Variants in CTNNA3 observed in about 807,000 individuals in gnomAD.
CTNNA3 encodes the protein catenin alpha-3.
Under a neutral mutation model 95.7 loss-of-function variants are expected in CTNNA3, and 76 were observed. That is an observed-to-expected ratio of 0.79 (90% CI 0.66 to 0.96). CTNNA3 has a LOEUF of 0.96. Among genes scored for constraint, CTNNA3 ranks in the 40% least tolerant of loss-of-function variants. The pLI, the probability that CTNNA3 is intolerant of heterozygous loss-of-function variation, is 0.00. For missense variants in CTNNA3, 1,191 were observed against 1,089.8 expected (o/e 1.09, Z -1.31); for synonymous variants, 431 against 374.4 (o/e 1.15, Z -1.74).
intron 7 of CTNNA3, among the ~76,000 whole-genome samples, chr10:67,053,465 T>C (rs1855237035): frequency 2.6e-5 from 4 of 152,204 alleles, no homozygotes; most frequent in Admixed American, 2.6e-4. Flanking sequence ...TTTTAGATTA[T>C]ATTTGCCAGG....
chr10:66,010,493 T>C (rs369261567), intron 15 of CTNNA3, among the ~76,000 whole-genome samples: 1 of 152,032 alleles, frequency 6.6e-6, no homozygotes, highest in Non-Finnish European at 1.5e-5. Flanking sequence ...TAATAAAAGA[T>C]CTAAAGAACA....
At chr10:66,668,422 A>ATATGTGTGTG (rs1554832734) in intron 9 of CTNNA3, among the ~76,000 whole-genome samples, 5,921 of 146,916 alleles carry the variant, frequency 0.04, 138 homozygotes, top group African/African-American at 0.046. Flanking sequence ...CAACTCTCAT[A>ATATGTGTGTG]TGTGTGTGTG....
At chr10:66,551,791 A>C (rs912009054) in intron 10 of CTNNA3, among the ~76,000 whole-genome samples, 2 of 151,946 alleles carry the variant, frequency 1.3e-5, no homozygotes, top group African/African-American at 4.8e-5. Flanking sequence ...TTTAGCTCTC[A>C]GTAGGTTTGA....
intron 5 of CTNNA3, among the ~76,000 whole-genome samples, chr10:67,503,917 G>T: frequency 6.6e-6 from 1 of 152,130 alleles, no homozygotes; most frequent in Non-Finnish European, 1.5e-5. Context: ...CAGCACTTTG[G>T]GAGGCCAAGG....
intron 9 of CTNNA3, among the ~76,000 whole-genome samples, chr10:66,726,754 T>C (rs1404213708): frequency 6.6e-6 from 1 of 152,024 alleles, no homozygotes; most frequent in Non-Finnish European, 1.5e-5. Flanking sequence ...CGTGAACTCA[T>C]CCACTGTATG....
At chr10:67,096,001 TA>T (rs369346784) in intron 7 of CTNNA3, among the ~76,000 whole-genome samples, 2 of 151,888 alleles carry the variant, frequency 1.3e-5, no homozygotes, top group African/African-American at 4.8e-5. Flanking sequence ...GACCATTTTT[TA>T]AAGTATGTGA....
intron 7 of CTNNA3, among the ~76,000 whole-genome samples, chr10:66,897,686 A>G (rs1342690413): frequency 6.6e-6 from 1 of 152,190 alleles, no homozygotes; most frequent in East Asian, 1.9e-4. Context: ...AAATTGTTGC[A>G]TATATAGAAT....
rs532424487 is a variant in CTNNA3 at position 66,442,724 on chromosome 10, C to T, written c.1532-63372G>A. 4.6e-5 allele frequency among the ~76,000 whole-genome samples: 7 copies of T among 152,150 alleles called. No homozygotes were observed. The South Asian group carries it at 1.0e-3, about 23-fold the overall frequency. On this transcript the variant is annotated intron_variant, in intron 11 of 17. Coordinates refer to ENST00000433211, the MANE Select transcript of CTNNA3 (RefSeq NM_013266.4). ...AACAGCTCCGGTCTACAGCTCCCAGCGTGAGTGACGCAGAAGATGGGTGAT... is the reference window on the plus strand; with the variant it reads ...AACAGCTCCGGTCTACAGCTCCCAGTGTGAGTGACGCAGAAGATGGGTGAT...
intron 1 of CTNNA3, among the ~76,000 whole-genome samples, chr10:67,668,651 G>A (rs1840373069): frequency 6.6e-6 from 1 of 152,064 alleles, no homozygotes; most frequent in South Asian, 2.1e-4. Context: ...GATGATTCGT[G>A]TCCTGATTGA....
intron 17 of CTNNA3, among the ~76,000 whole-genome samples, chr10:65,947,676 C>T (rs540175379): frequency 6.6e-6 from 1 of 152,226 alleles, no homozygotes; most frequent in Non-Finnish European, 1.5e-5. Context: ...CTGTATTAAA[C>T]TTAAACGCAA....
chr10:67,340,133 T>C (rs1842130473), intron 5 of CTNNA3, among the ~76,000 whole-genome samples: 1 of 152,172 alleles, frequency 6.6e-6, no homozygotes, highest in African/African-American at 2.4e-5. Flanking sequence ...ATGCTTGGAA[T>C]GTTTGCTATG....
chr10:67,288,716 T>C (rs1839704525), intron 5 of CTNNA3, among the ~76,000 whole-genome samples: 1 of 152,174 alleles, frequency 6.6e-6, no homozygotes, highest in South Asian at 2.1e-4. Flanking sequence ...TGTAATAAGA[T>C]TACCTCCTTG....
At chr10:66,686,011 T>C (rs1847282773) in intron 9 of CTNNA3, among the ~76,000 whole-genome samples, 1 of 152,178 alleles carries the variant, frequency 6.6e-6, no homozygotes, top group African/African-American at 2.4e-5. Flanking sequence ...ATAACACTCA[T>C]AATTTTTGTA....
intron 7 of CTNNA3, among the ~76,000 whole-genome samples, chr10:66,804,381 C>T (rs982714570): frequency 1.3e-5 from 2 of 152,010 alleles, no homozygotes; most frequent in African/African-American, 2.4e-5. Context: ...TCCCTACATC[C>T]GCGCATCTGT....
intron 13 of CTNNA3, among the ~76,000 whole-genome samples, chr10:66,171,383 T>C (rs1002736111): frequency 6.6e-6 from 1 of 150,996 alleles, no homozygotes; most frequent in Non-Finnish European, 1.5e-5. Flanking sequence ...CCATCTCTAC[T>C]AAAAAATAAA....
At chr10:67,120,106 A>G (rs541985831) in intron 7 of CTNNA3, among the ~76,000 whole-genome samples, 1 of 151,982 alleles carries the variant, frequency 6.6e-6, no homozygotes, top group South Asian at 2.1e-4. Flanking sequence ...TGAATTACAA[A>G]GAGAAGTCAG....
At chr10:66,121,824 A>T (rs867847412) in intron 13 of CTNNA3, among the ~76,000 whole-genome samples, 10 of 152,270 alleles carry the variant, frequency 6.6e-5, no homozygotes, top group Middle Eastern at 6.8e-3. Flanking sequence ...AGCCTGGGTG[A>T]CAGAGTGAGA....
chr10:66,201,663 T>C (rs546097519), intron 13 of CTNNA3, among the ~76,000 whole-genome samples: 6 of 152,282 alleles, frequency 3.9e-5, no homozygotes, highest in Non-Finnish European at 5.9e-5. Flanking sequence ...TTAGAATATG[T>C]ATATCCTATA....
intron 13 of CTNNA3, among the ~76,000 whole-genome samples, chr10:66,194,586 ATAAT>A (rs1279210509): frequency 6.6e-6 from 1 of 152,252 alleles, no homozygotes; most frequent in Non-Finnish European, 1.5e-5. Flanking sequence ...ATCTCAAAAA[ATAAT>A]TAAATAAATA....
Sources: gnomAD v4.1 joint callset for allele counts (sites outside exome capture counted in the v4.1 genomes callset) on GRCh38, gnomAD v4.1.1 for gene constraint, MANE v1.5 for transcripts, NCBI Gene and HGNC (gene_info 2026-07-23, HGNC 2026-07-21) for gene names.